The following IL1RAPL1 variants were observed in gnomAD, a reference collection of about 807,000 sequenced individuals.
IL1RAPL1 encodes the protein interleukin-1 receptor accessory protein-like 1.
A neutral mutation model predicts 48.4 loss-of-function variants in IL1RAPL1; 3 were observed. The observed-to-expected ratio is 0.06, with a 90% CI of 0.03 to 0.16. The LOEUF is 0.16. Ranked by LOEUF, IL1RAPL1 falls within the 10% of genes least tolerant of loss-of-function variation. The pLI is 1.00. For missense variants in IL1RAPL1, 349 were observed against 530.6 expected, an observed-to-expected ratio of 0.66 and a Z score of 3.36; for synonymous variants, 185 against 187.7, an observed-to-expected ratio of 0.99 and a Z score of 0.12.
intron 5 of IL1RAPL1, among the ~76,000 whole-genome samples, chrX:29,498,542 A>G (rs1487379553): frequency 9.4e-6 from 1 of 106,182 alleles, no homozygotes; most frequent in Non-Finnish European, 2.0e-5. Flanking sequence ...TATTGTTTCA[A>G]TTGTTTTCTT....
intron 1 of IL1RAPL1, among the ~76,000 whole-genome samples, chrX:28,699,069 C>T (rs755319653): frequency 7.7e-4 from 86 of 111,939 alleles, no homozygotes; most frequent in Non-Finnish European, 1.4e-3. Flanking sequence ...TAGCACAACC[C>T]ATTGAATCAT....
intron 2 of IL1RAPL1, among the ~76,000 whole-genome samples, chrX:28,926,533 C>T (rs894562809): frequency 9.0e-6 from 1 of 111,060 alleles, no homozygotes; most frequent in Non-Finnish European, 1.9e-5. Flanking sequence ...AACTAAAAAT[C>T]ACTTTTCCTC....
chrX:29,879,395 G>GTATATA (rs1159189468), intron 6 of IL1RAPL1, among the ~76,000 whole-genome samples: 37 of 86,870 alleles, frequency 4.3e-4, no homozygotes, highest in African/African-American at 1.9e-3. Flanking sequence ...GTGTGTGTGT[G>GTATATA]TATATATATA....
intron 2 of IL1RAPL1, among the ~76,000 whole-genome samples, chrX:29,101,705 A>G (rs1311179754): frequency 9.0e-6 from 1 of 111,261 alleles, no homozygotes; most frequent in African/African-American, 3.3e-5. Flanking sequence ...GGAGGCCGAG[A>G]CGGGAGGATC....
intron 3 of IL1RAPL1, among the ~76,000 whole-genome samples, chrX:29,336,833 A>G (rs953703483): frequency 8.1e-5 from 9 of 111,705 alleles, no homozygotes; most frequent in African/African-American, 2.9e-4. Flanking sequence ...GACACCTGTC[A>G]CATGTGGGTT....
At chrX:28,994,787 A>T in intron 2 of IL1RAPL1, among the ~76,000 whole-genome samples, 1 of 112,122 alleles carries the variant, frequency 8.9e-6, no homozygotes, top group Admixed American at 9.5e-5. Context: ...CATTGACATT[A>T]TTAAAAGAAT....
chrX:28,938,594 T>C (rs1924079438), intron 2 of IL1RAPL1, among the ~76,000 whole-genome samples: 1 of 111,282 alleles, frequency 9.0e-6, no homozygotes, highest in Non-Finnish European at 1.9e-5. Flanking sequence ...GGCAATACCA[T>C]TCTGGACGTA....
At position 28,975,110 on chromosome X, in the gene IL1RAPL1, T is replaced by C. The variant is rs73208074; in HGVS notation, c.82+185685T>C. Among the ~76,000 whole-genome samples, 478 of 112,209 alleles carry C rather than the reference T, an allele frequency of 4.3e-3. 2 individuals are homozygous for C. Among genetic ancestry groups the C allele is most frequent in the Middle Eastern group, 0.037 (8 of 218 alleles). ...TTTTAATACAAAGTCATCTGGCCAA[T>C]GCTTATCTCTTCAGACTCATACCCC... is the stretch of plus-strand genomic sequence containing the variant. On this transcript the variant is annotated intron_variant, in intron 2 of 10. Transcript: ENST00000378993.
intron 6 of IL1RAPL1, among the ~76,000 whole-genome samples, chrX:29,807,621 C>CAAAAAAAAAAAAAAA (rs60391165): frequency 3.8e-5 from 1 of 26,032 alleles, no homozygotes; most frequent in Non-Finnish European, 6.8e-5. Flanking sequence ...TCTCTCAAGA[C>CAAAAAAAAAAAAAAA]AAAAAAAAAA....
chrX:28,640,223 A>G (rs182817114), intron 1 of IL1RAPL1, among the ~76,000 whole-genome samples: 1 of 112,166 alleles, frequency 8.9e-6, no homozygotes, highest in African/African-American at 3.2e-5. Flanking sequence ...GTTTCCAAGG[A>G]TAATGTAAAT....
At chrX:29,657,217 A>G (rs745369898) in intron 5 of IL1RAPL1, among the ~76,000 whole-genome samples, 5 of 112,017 alleles carry the variant, frequency 4.5e-5, no homozygotes, top group Admixed American at 3.8e-4. Context: ...TGTGGTTATC[A>G]TAGGGCAGAA....
chrX:29,827,003 A>T (rs1601841959), intron 6 of IL1RAPL1, among the ~76,000 whole-genome samples: 1 of 112,111 alleles, frequency 8.9e-6, no homozygotes, highest in East Asian at 2.8e-4. Flanking sequence ...ATTTTTCCAC[A>T]TTCTCGTCAA....
At chrX:29,499,163 C>T (rs762031302) in intron 5 of IL1RAPL1, among the ~76,000 whole-genome samples, 1 of 112,215 alleles carries the variant, frequency 8.9e-6, no homozygotes, top group South Asian at 3.7e-4. Context: ...CATATCTATA[C>T]AAATAGAACA....
intron 2 of IL1RAPL1, among the ~76,000 whole-genome samples, chrX:29,134,783 A>G (rs1194755860): frequency 9.0e-6 from 1 of 110,941 alleles, no homozygotes; most frequent in African/African-American, 3.3e-5. Flanking sequence ...CCTTGGGTCT[A>G]TTACCTACTT....
intron 6 of IL1RAPL1, among the ~76,000 whole-genome samples, chrX:29,744,991 C>A (rs1928296124): frequency 8.9e-6 from 1 of 111,930 alleles, no homozygotes; most frequent in East Asian, 2.8e-4. Flanking sequence ...ATTAGCATTA[C>A]CATGGGATGT....
chrX:29,184,409 T>C (rs1930210748), intron 2 of IL1RAPL1, among the ~76,000 whole-genome samples: 1 of 112,431 alleles, frequency 8.9e-6, no homozygotes, highest in African/African-American at 3.2e-5. Context: ...ATTTAAATTA[T>C]TATCCAGCCA....
intron 5 of IL1RAPL1, among the ~76,000 whole-genome samples, chrX:29,542,138 T>C (rs935151846): frequency 5.4e-5 from 6 of 111,092 alleles, no homozygotes; most frequent in Non-Finnish European, 9.4e-5. Flanking sequence ...AACACTAATT[T>C]ATAGCCATCT....
chrX:28,632,046 A>G (rs1411383337), intron 1 of IL1RAPL1, among the ~76,000 whole-genome samples: 1 of 112,581 alleles, frequency 8.9e-6, no homozygotes, highest in Non-Finnish European at 1.9e-5. Flanking sequence ...TGCCAGGCAT[A>G]TGGTATAATC....
chrX:28,699,036 AT>A (rs1000463887), intron 1 of IL1RAPL1, among the ~76,000 whole-genome samples: 11 of 111,953 alleles, frequency 9.8e-5, no homozygotes, highest in African/African-American at 2.9e-4. Context: ...TTTTACTCCC[AT>A]TTTTATTGTC....
Sources: allele counts gnomAD v4.1 joint callset (sites outside exome capture counted in the v4.1 genomes callset), GRCh38; gene constraint gnomAD v4.1.1; transcripts MANE v1.5; gene names NCBI Gene and HGNC (gene_info 2026-07-23, HGNC 2026-07-21).